Variants in ARID3A observed in about 807,000 individuals in gnomAD.
The protein encoded by ARID3A is AT-rich interactive domain-containing protein 3A.
In ARID3A, 11 loss-of-function variants were observed where a neutral mutation model predicts 52.7. The ratio of observed to expected loss-of-function variants is 0.21; its 90% CI spans 0.13 to 0.35. ARID3A has a LOEUF of 0.35. ARID3A is among the 10% of genes least tolerant of loss of function. The pLI, the probability that ARID3A is intolerant of heterozygous loss-of-function variation, is 1.00. For synonymous variants in ARID3A, 404 were observed against 359.4 expected (o/e 1.12, Z -1.40); for missense variants, 721 against 838.5 (o/e 0.86, Z 1.73).
chr19:959,399 G>C lies in ARID3A; in HGVS notation c.694-693G>C, dbSNP rs546850945. On this transcript the variant is annotated intron_variant, in intron 3 of 8. Transcript: ENST00000263620. This position sits in a 1 kb window ranked among gnomAD's most constrained non-coding sequence, Gnocchi z 5.0. ...AGCAATCCTCCCACCTCAGCCTCCC[G>C]AGTAGCCGGGACTGTAGGCATGAGC... 2.0e-5 allele frequency among the ~76,000 whole-genome samples: 3 copies of C among 152,182 alleles called. No individual in the cohort carries two copies. The highest frequency in any genetic ancestry group is 7.2e-5 in the African/African-American group (3 of 41,514).
At chr19:953,067 T>C (rs912398453) in intron 3 of ARID3A, among the ~76,000 whole-genome samples, 3 of 152,046 alleles carry the variant, frequency 2.0e-5, no homozygotes, top group African/African-American at 4.8e-5. Context: ...TTTCTGACCT[T>C]CCTCCCACCT....
chr19:932,529 C>T lies in ARID3A; in HGVS notation c.480C>T (p.Gly160=), dbSNP rs1005069447. The change falls in exon 3 of 9, where the codon GGC becomes GGT. Residue 160 remains glycine (G), a synonymous_variant. Transcript: ENST00000263620. ...AGGAGGAGGACGAGGAGGGGCTGGG[C>T]CCCCCAGGCCCTGCCAGCTTGGGCA... The part of the protein sequence containing the change: ...EEEEEDEEGL[G]PPGPASLGTT... 2.0e-6 allele frequency: 3 copies of T among 1,519,336 alleles called. No homozygotes were observed. The highest frequency in any genetic ancestry group is 1.2e-5 in the South Asian group (1 of 80,734). The allele number at this position is 1,519,336 out of a possible 1,614,324, so 94.1% of individuals were successfully genotyped here.
At position 974,294 on chromosome 19, in the gene ARID3A, G is replaced by C. The variant is rs2038338372; in HGVS notation, c.*2229G>C. The C allele has an allele frequency of 4.4e-6, 1 of 227,936 alleles. No individual in the cohort carries two copies. The highest frequency in any genetic ancestry group is 8.7e-6 in the Non-Finnish European group (1 of 114,792). The allele number at this position is 227,936 out of a possible 1,614,324, so 14.1% of individuals were successfully genotyped here. Reference sequence around the variant, plus strand: ...GTGGACACACACCCCCTTTCCAGGAGGGGGTGGTGGGCGTCTAGGTTTTCC... The same window carrying C: ...GTGGACACACACCCCCTTTCCAGGACGGGGTGGTGGGCGTCTAGGTTTTCC... On this transcript the variant is annotated 3_prime_UTR_variant, in exon 9 of 9. Coordinates refer to ENST00000263620, the MANE Select transcript of ARID3A (RefSeq NM_005224.3).
rs1479217882 is a variant in ARID3A at position 938,818 on chromosome 19, G to GCGA, written c.693+6077_693+6079dup. On this transcript the variant is annotated intron_variant, in intron 3 of 8. Transcript: ENST00000263620. The surrounding 1 kb of genome is among the most constrained non-coding windows in gnomAD (Gnocchi z 4.0). ...CTGCCAGGCAGCTCTCGGGAGTGAA[G>GCGA]CGAGACCCCAGCAAGAAACGGGCAT... Among the ~76,000 whole-genome samples the GCGA allele has an allele frequency of 6.6e-6, 1 of 152,186 alleles. No individual in the cohort carries two copies. The highest frequency in any genetic ancestry group is 1.5e-5 in the Non-Finnish European group (1 of 68,038).
At chr19:936,635 G>T (rs947424942) in intron 3 of ARID3A, among the ~76,000 whole-genome samples, 1 of 152,088 alleles carries the variant, frequency 6.6e-6, no homozygotes, top group Non-Finnish European at 1.5e-5. Flanking sequence ...GAGGTCAGGA[G>T]ATCGAGACCA....
At chr19:967,722 A>T (rs2038188811) in intron 7 of ARID3A, among the ~76,000 whole-genome samples, 1 of 152,202 alleles carries the variant, frequency 6.6e-6, no homozygotes. Context: ...CAGAAAACAG[A>T]ACATGTCACA....
At position 929,325 on chromosome 19, in the gene ARID3A, A is replaced by G; in HGVS notation, c.-204A>G. 1.9e-6 allele frequency: 1 copy of G among 540,302 alleles called. No homozygotes were observed. The allele number at this position is 540,302 out of a possible 1,614,324, so 33.5% of individuals were successfully genotyped here. On this transcript the variant is annotated 5_prime_UTR_variant, in exon 2 of 9. Transcript: ENST00000263620. This position sits in a 1 kb window ranked among gnomAD's most constrained non-coding sequence, Gnocchi z 6.2. ...TGTCCCCTGGAGCCCAGCGTGAGGA[A>G]GAGGCATGCCCCATCAGCCTTCAGC... is the stretch of plus-strand genomic sequence containing the variant.
At chr19:961,041 T>C (rs2038030144) in intron 4 of ARID3A, among the ~76,000 whole-genome samples, 1 of 152,080 alleles carries the variant, frequency 6.6e-6, no homozygotes, top group African/African-American at 2.4e-5. Context: ...GAGAGGGTCC[T>C]AGGAGCGTCT....
At chr19:954,990 C>T (rs2037887561) in intron 3 of ARID3A, among the ~76,000 whole-genome samples, 1 of 152,192 alleles carries the variant, frequency 6.6e-6, no homozygotes, top group Non-Finnish European at 1.5e-5. Flanking sequence ...AGATTTTGCC[C>T]AATCTCCAGC....
Position 960,026 on chromosome 19 carries a change from G to A in ARID3A, c.694-66G>A. The A allele has an allele frequency of 1.4e-6, 2 of 1,453,170 alleles. No homozygotes were observed. The highest frequency in any genetic ancestry group is 2.4e-5 in the East Asian group (1 of 42,446). 90.0% of individuals were successfully genotyped at this position (1,453,170 alleles called of 1,614,324 possible). A position where few individuals can be genotyped will look rare whatever the true frequency, so the allele number is the denominator to read the frequency against. ...TCCTCCTGACCTGGCCTCCAGTGCAGGAGGGACATGGTTCCCACACCTGAG... is the reference window on the plus strand; with the variant it reads ...TCCTCCTGACCTGGCCTCCAGTGCAAGAGGGACATGGTTCCCACACCTGAG... On this transcript the variant is annotated intron_variant, in intron 3 of 8. Transcript: ENST00000263620. The surrounding 1 kb of genome is among the most constrained non-coding windows in gnomAD (Gnocchi z 4.3).
At chr19:939,561 C>T (rs567299315) in intron 3 of ARID3A, among the ~76,000 whole-genome samples, 11 of 152,196 alleles carry the variant, frequency 7.2e-5, no homozygotes, top group Non-Finnish European at 1.5e-4. Context: ...TCTCTGCCCA[C>T]TCACACCCAG....
intron 3 of ARID3A, among the ~76,000 whole-genome samples, chr19:954,709 CG>C (rs1035513003): frequency 5.3e-5 from 8 of 151,780 alleles, no homozygotes; most frequent in African/African-American, 1.4e-4. Flanking sequence ...CCTGGGAGGA[CG>C]GGGGGCTCCC....
intron 3 of ARID3A, among the ~76,000 whole-genome samples, chr19:937,239 G>A (rs2037456388): frequency 6.6e-6 from 1 of 152,204 alleles, no homozygotes. Context: ...ACTCCAGCCT[G>A]GGCAACAGAG....
chr19:942,056 C>T lies in ARID3A; in HGVS notation c.693+9314C>T, dbSNP rs975445831. Among the ~76,000 whole-genome samples the T allele has an allele frequency of 2.6e-5, 4 of 152,160 alleles. No individual in the cohort carries two copies. The highest frequency in any genetic ancestry group is 1.9e-4 in the East Asian group (1 of 5,186). ...GTCTGTCTTGGTCAGCAGCGCGCGT[C>T]GGCCGCGGGGCACAGATCAGCGCCT... On this transcript the variant is annotated intron_variant, in intron 3 of 8. Coordinates refer to ENST00000263620, the MANE Select transcript of ARID3A (RefSeq NM_005224.3). This position sits in a 1 kb window ranked among gnomAD's most constrained non-coding sequence, Gnocchi z 8.1.
intron 3 of ARID3A, among the ~76,000 whole-genome samples, chr19:933,116 G>A (rs748305378): frequency 2.0e-5 from 3 of 152,186 alleles, no homozygotes; most frequent in Non-Finnish European, 4.4e-5. Flanking sequence ...CAGAGAGGCC[G>A]GGGCCTTGGT....
At chr19:958,877 G>A (rs1011624175) in intron 3 of ARID3A, among the ~76,000 whole-genome samples, 3 of 151,756 alleles carry the variant, frequency 2.0e-5, no homozygotes, top group Non-Finnish European at 2.9e-5. Context: ...TGGGGACAGC[G>A]AGACTCCGTC....
chr19:943,151 C>T (rs909808187), intron 3 of ARID3A, among the ~76,000 whole-genome samples: 2 of 151,664 alleles, frequency 1.3e-5, no homozygotes, highest in African/African-American at 4.9e-5. Flanking sequence ...GTCCCAGCTA[C>T]TCTGGAGGCT....
Position 942,727 on chromosome 19 carries a change from T to A in ARID3A, c.693+9985T>A, listed in dbSNP as rs2037583380. On this transcript the variant is annotated intron_variant, in intron 3 of 8. Transcript: ENST00000263620. This position sits in a 1 kb window ranked among gnomAD's most constrained non-coding sequence, Gnocchi z 8.1. ...GCTCCCTGGGGACCCAGGCCCCATG[T>A]CCAGAAGCCACGCTGGACATAGTGC... Among the ~76,000 whole-genome samples the A allele has an allele frequency of 6.6e-6, 1 of 152,076 alleles. No homozygotes were observed. The highest frequency in any genetic ancestry group is 1.5e-5 in the Non-Finnish European group (1 of 68,012).
At chr19:940,771 C>T (rs533240135) in intron 3 of ARID3A, among the ~76,000 whole-genome samples, 1 of 152,218 alleles carries the variant, frequency 6.6e-6, no homozygotes, top group East Asian at 1.9e-4. Flanking sequence ...TCTTCCTGGG[C>T]CTCCGGGAGC....
Sources: allele counts gnomAD v4.1 joint callset (sites outside exome capture counted in the v4.1 genomes callset), GRCh38; gene constraint gnomAD v4.1.1; non-coding constraint Gnocchi (gnomAD v3.1); transcripts MANE v1.5; gene names NCBI Gene and HGNC (gene_info 2026-07-23, HGNC 2026-07-21).